RWDD3: variants seen among roughly 807,000 people sequenced by gnomAD.
The protein encoded by RWDD3 is RWD domain containing 3.
Under a neutral mutation model 26.5 loss-of-function variants are expected in RWDD3, and 30 were observed. The observed-to-expected ratio is 1.13, with a 90% CI of 0.85 to 1.54. The LOEUF is 1.54. Ranked by LOEUF, RWDD3 falls within the 40% of genes most tolerant of loss-of-function variation. The pLI is 0.00. For synonymous variants in RWDD3, 113 were observed against 114.5 expected (o/e 0.99, Z 0.09); for missense variants, 296 against 309.1 (o/e 0.96, Z 0.32).
Position 95,244,279 on chromosome 1 carries a change from G to C in RWDD3, c.154G>C (p.Glu52Gln). Reference protein sequence around the residue: ...EGFMDVDIPLELVFHLPVNYP... With the variant: ...EGFMDVDIPLQLVFHLPVNYP... ...ATTTATGGATGTGGATATACCTCTGGAATTGGTGTTCCATTTGCCAGTCAA... is the reference window on the plus strand; with the variant it reads ...ATTTATGGATGTGGATATACCTCTGCAATTGGTGTTCCATTTGCCAGTCAA... Residue 52 changes from glutamate (E) to glutamine (Q), a missense_variant, in exon 2 of 4, where the codon GAA becomes CAA. Transcript: ENST00000370202. 1 of 1,614,178 alleles carries C rather than the reference G, an allele frequency of 6.2e-7. No homozygotes were observed. The highest frequency in any genetic ancestry group is 8.5e-7 in the Non-Finnish European group (1 of 1,180,012).
chr1:95,239,935 G>A (rs114702386), intron 1 of RWDD3: 5 of 1,289,550 alleles, frequency 3.9e-6, no homozygotes, highest in Non-Finnish European at 5.1e-6. Context: ...GCACAGGTTG[G>A]AGAACACTGT....
chr1:95,242,302 C>T (rs1031812672), intron 1 of RWDD3, among the ~76,000 whole-genome samples: 6 of 152,192 alleles, frequency 3.9e-5, no homozygotes, highest in Non-Finnish European at 7.3e-5. Flanking sequence ...TCCCTGCTCT[C>T]GTGTTCTGAA....
At position 95,244,629 on chromosome 1, in the gene RWDD3, G is replaced by C. The variant is rs545711298; in HGVS notation, c.504G>C (p.Leu168=). The C allele has an allele frequency of 1.2e-6, 2 of 1,614,180 alleles. No individual in the cohort carries two copies. The highest frequency in any genetic ancestry group is 2.7e-5 in the African/African-American group (2 of 75,046). ...IVEKWASDLR[L]TGRLMFMGKI... ...AGAAGTGGGCTTCAGATTTAAGGCTGACAGGAAGACTGATGTTCATGGGTA... is the reference window on the plus strand; with the variant it reads ...AGAAGTGGGCTTCAGATTTAAGGCTCACAGGAAGACTGATGTTCATGGGTA... Residue 168 remains leucine, a synonymous_variant, in exon 2 of 4, where the codon CTG becomes CTC. Transcript: ENST00000370202.
chr1:95,234,762 G>T (rs780109281), intron 1 of RWDD3, among the ~76,000 whole-genome samples: 16 of 152,042 alleles, frequency 1.1e-4, no homozygotes, highest in Non-Finnish European at 2.9e-5. Flanking sequence ...GTTGCAGGAG[G>T]GCAGGGTCTG....
Position 95,239,604 on chromosome 1 carries a change from TG to T in RWDD3, c.86-4606del, listed in dbSNP as rs1680519568. 2.0e-5 allele frequency among the ~76,000 whole-genome samples: 3 copies of T among 152,194 alleles called. No individual in the cohort carries two copies. In the South Asian group the frequency reaches 6.2e-4, roughly 31 times the overall value. ...AATCTTATTTTGCAGCTACAGTGTA[TG>T]TGTGGGTGGGCAGGGGGATTTACCA... On this transcript the variant is annotated intron_variant, in intron 1 of 3. Transcript: ENST00000370202.
intron 1 of RWDD3, chr1:95,240,055 TA>T (rs61224944): frequency 0.012 from 7,719 of 658,666 alleles, 172 homozygotes; most frequent in African/African-American, 0.067. Context: ...GTCTCCTCCT[TA>T]TAGGGACCCT....
At chr1:95,238,822 A>C (rs939595271) in intron 1 of RWDD3, among the ~76,000 whole-genome samples, 15 of 152,166 alleles carry the variant, frequency 9.9e-5, no homozygotes, top group Admixed American at 9.8e-4. Context: ...AAATAGCATT[A>C]GTGTGAATTT....
intron 1 of RWDD3, among the ~76,000 whole-genome samples, chr1:95,236,944 G>T (rs374733088): frequency 6.6e-6 from 1 of 152,200 alleles, no homozygotes; most frequent in Non-Finnish European, 1.5e-5. Context: ...TGAGAACACT[G>T]TGAACCCTTT....
intron 1 of RWDD3, among the ~76,000 whole-genome samples, chr1:95,242,225 C>T (rs55944141): frequency 0.086 from 13,049 of 152,172 alleles, 663 homozygotes; most frequent in Admixed American, 0.1. Context: ...TGTATATGTA[C>T]GCATATTTAT....
At chr1:95,246,505 G>A in intron 2 of RWDD3, 37 bp from the exon 3 acceptor site, 1 of 1,217,592 alleles carries the variant, frequency 8.2e-7, no homozygotes, top group Non-Finnish European at 1.2e-6. Context: ...GAGACTCAGA[G>A]TAAGATATGT....
intron 3 of RWDD3, 38 bp downstream of exon 3, chr1:95,246,695 A>C (rs1680863586): frequency 1.9e-6 from 3 of 1,545,714 alleles, no homozygotes; most frequent in Non-Finnish European, 2.7e-6. Context: ...AAAGCAACTG[A>C]ATCGATAATT....
chr1:95,234,835 A>C (rs1680229552), intron 1 of RWDD3, among the ~76,000 whole-genome samples: 1 of 151,732 alleles, frequency 6.6e-6, no homozygotes, highest in Non-Finnish European at 1.5e-5. Flanking sequence ...GAACTTTTTC[A>C]TTTATCCAGT....
chr1:95,236,851 T>C (rs894132196), intron 1 of RWDD3, among the ~76,000 whole-genome samples: 8 of 152,160 alleles, frequency 5.3e-5, no homozygotes, highest in African/African-American at 9.7e-5. Context: ...GGGTCATTAG[T>C]ACACAGCTGA....
intron 1 of RWDD3, among the ~76,000 whole-genome samples, chr1:95,239,498 T>C (rs1281915369): frequency 1.3e-5 from 2 of 152,210 alleles, no homozygotes; most frequent in Non-Finnish European, 2.9e-5. Flanking sequence ...TGTAATTTTA[T>C]TGCCACATTA....
In RWDD3 at chr1:95,246,810, A is replaced by C. The variant is rs1680870128; in HGVS notation, c.744A>C (p.Glu248Asp). The C allele has an allele frequency of 2.5e-6, 4 of 1,570,978 alleles. No homozygotes were observed. In the East Asian group the frequency reaches 9.2e-5, roughly 36 times the overall value. The change falls in exon 4 of 4, where the codon GAA (glutamate) becomes GAC (aspartate). Residue 248 changes from glutamate (E) to aspartate (D), a missense_variant. Coordinates refer to ENST00000370202, the MANE Select transcript of RWDD3 (RefSeq NM_015485.5). ...CAGCGTTGGATGAATTACAAAAGGA[A>C]TTTGAAACTGCAGGACTTAAGAAGC... Reference protein sequence around the residue: ...EYSALDELQKEFETAGLKKLF... With the variant: ...EYSALDELQKDFETAGLKKLF...
At chr1:95,237,850 G>T (rs747959394) in intron 1 of RWDD3, among the ~76,000 whole-genome samples, 5 of 152,202 alleles carry the variant, frequency 3.3e-5, no homozygotes, top group Non-Finnish European at 7.3e-5. Context: ...CCAGGTGTAT[G>T]GGCCTTTGCA....
intron 2 of RWDD3, 76 bp downstream of exon 2, chr1:95,244,774 T>C: frequency 1.4e-6 from 2 of 1,434,104 alleles, no homozygotes; most frequent in Non-Finnish European, 1.9e-6. Context: ...GTGTGTTTTA[T>C]AACAATGGGA....
intron 2 of RWDD3, chr1:95,246,221 G>A (rs1437284917): frequency 1.0e-5 from 2 of 200,364 alleles, no homozygotes; most frequent in African/African-American, 4.6e-5. Flanking sequence ...CCATGAGGTA[G>A]ATCCTGCTAT....
rs772504893 is a variant in RWDD3, at chr1:95,244,491, T to C, written c.366T>C (p.Ser122=). 13 of 1,614,198 alleles carry C rather than the reference T, an allele frequency of 8.1e-6. No individual in the cohort carries two copies. The highest frequency in any genetic ancestry group is 1.1e-5 in the Non-Finnish European group (13 of 1,180,030). Residue 122 remains serine (S), a synonymous_variant, in exon 2 of 4, where the codon AGT becomes AGC. Transcript: ENST00000370202. ...TCCTCAGCCAACCAGAAACTGGCAG[T>C]GGCAGTGAAAAGTGTACTTTTTCAA... is the stretch of plus-strand genomic sequence containing the variant. ...RHILSQPETG[S]GSEKCTFSTS...
Sources: allele counts gnomAD v4.1 joint callset (sites outside exome capture counted in the v4.1 genomes callset), GRCh38; gene constraint gnomAD v4.1.1; transcripts MANE v1.5; gene names NCBI Gene and HGNC (gene_info 2026-07-23, HGNC 2026-07-21).